The following GRK7 variants were observed in gnomAD, a reference collection of about 807,000 sequenced individuals.
The protein encoded by GRK7 is rhodopsin kinase GRK7.
A neutral mutation model predicts 34.1 loss-of-function variants in GRK7; 24 were observed. The observed-to-expected ratio is 0.70, with a 90% CI of 0.51 to 0.99. The LOEUF is 0.99. Ranked by LOEUF, GRK7 falls within the 50% of genes least tolerant of loss-of-function variation. The probability of loss-of-function intolerance (pLI) is 0.00; values close to 1 mark genes in which losing one functional copy is unlikely to be tolerated. For missense variants in GRK7, 644 were observed against 707.3 expected (o/e 0.91, Z 1.02); for synonymous variants, 256 against 279.4 (o/e 0.92, Z 0.84).
At chr3:141,790,471 A>C (rs571226249) in intron 4 of GRK7, among the ~76,000 whole-genome samples, 1 of 152,156 alleles carries the variant, frequency 6.6e-6, no homozygotes, top group Non-Finnish European at 1.5e-5. Context: ...AGCCCCACCT[A>C]CACAGGGAAT....
the GRK7 span, among the ~76,000 whole-genome samples, chr3:141,751,573 T>C: frequency 1.5e-4 from 23 of 152,248 alleles, no homozygotes; most frequent in African/African-American, 4.8e-4. Context: ...TTCTATTGTA[T>C]GTAACAACAT....
intron 4 of GRK7, among the ~76,000 whole-genome samples, chr3:141,792,814 C>T (rs1443447961): frequency 6.6e-6 from 1 of 152,202 alleles, no homozygotes; most frequent in Non-Finnish European, 1.5e-5. Context: ...AGGATGGAGA[C>T]TGGTCACCAG....
intron 5 of GRK7, among the ~76,000 whole-genome samples, chr3:141,812,434 G>C (rs1415990229): frequency 6.6e-6 from 1 of 152,232 alleles, no homozygotes; most frequent in South Asian, 2.1e-4. Context: ...GGTGGGAGTT[G>C]CTAATGCAAA....
chr3:141,764,770 A>G lies in GRK7; in HGVS notation c.-1183A>G, dbSNP rs994566163. Among the ~76,000 whole-genome samples, 1 of 152,068 alleles carries G rather than the reference A, an allele frequency of 6.6e-6. No individual in the cohort carries two copies. The highest frequency in any genetic ancestry group is 1.5e-5 in the Non-Finnish European group (1 of 68,006). On this transcript the variant is annotated 5_prime_UTR_variant, in exon 1 of 6. Transcript: ENST00000682958. ...GTTTGGCTGTCTCCCTGGCAGGTCAAATTTAACAGGTACAAGACTGAGCTC... is the reference window on the plus strand; with the variant it reads ...GTTTGGCTGTCTCCCTGGCAGGTCAGATTTAACAGGTACAAGACTGAGCTC...
chr3:141,796,386 G>A (rs903845894), intron 4 of GRK7, among the ~76,000 whole-genome samples: 1 of 152,202 alleles, frequency 6.6e-6, no homozygotes, highest in African/African-American at 2.4e-5. Context: ...ATGCCTAGCC[G>A]AGGGTCAGCC....
At position 141,778,326 on chromosome 3, in the gene GRK7, C is replaced by A; in HGVS notation, c.42C>A (p.Thr14=). ...MGALDNLIAN[T]AYLQARKPSD... ...CCCTGGACAACCTGATCGCCAACAC[C>A]GCCTACCTGCAGGCCCGGAAGCCCT... is the stretch of plus-strand genomic sequence containing the variant. The change falls in exon 3 of 6, where the codon ACC becomes ACA. Residue 14 remains threonine (T), a synonymous_variant. Transcript: ENST00000682958. The surrounding 1 kb of genome is among the most constrained non-coding windows in gnomAD (Gnocchi z 4.1). 6.3e-7 allele frequency: 1 copy of A among 1,599,588 alleles called. No homozygotes were observed. Among genetic ancestry groups the A allele is most frequent in the Non-Finnish European group, 8.5e-7 (1 of 1,171,172 alleles).
the GRK7 span, among the ~76,000 whole-genome samples, chr3:141,757,129 C>CTTTTTTTTTTTTTTT: frequency 6.9e-5 from 7 of 101,360 alleles, no homozygotes; most frequent in Non-Finnish European, 1.3e-4. Flanking sequence ...AGATCTTCTT[C>CTTTTTTTTTTTTTTT]TTTTTTTTTT....
chr3:141,757,408 GT>G, the GRK7 span, among the ~76,000 whole-genome samples: 2 of 127,490 alleles, frequency 1.6e-5, no homozygotes, highest in Admixed American at 8.4e-5. Flanking sequence ...GCGGTGTTTG[GT>G]TTTTTGTTCT....
At position 141,805,087 on chromosome 3, in the gene GRK7, CTCACATACACACACAA is replaced by C. The variant is rs1392092415; in HGVS notation, c.1051-2538_1051-2523del. ...ACACACACACACACACGCACATACA[CTCACATACACACACAA>C]TCACATACACACACAATCAGATACA... is the stretch of plus-strand genomic sequence containing the variant. On this transcript the variant is annotated intron_variant, in intron 4 of 5. Coordinates refer to ENST00000682958, the MANE Select transcript of GRK7 (RefSeq NM_139209.3). 3.9e-3 allele frequency among the ~76,000 whole-genome samples: 592 copies of C among 152,004 alleles called. 1 individual carries two copies. Among genetic ancestry groups the C allele is most frequent in the African/African-American group, 0.013 (559 of 41,448 alleles).
intron 5 of GRK7, among the ~76,000 whole-genome samples, chr3:141,815,678 A>C (rs1269490951): frequency 6.7e-6 from 1 of 149,062 alleles, no homozygotes; most frequent in Non-Finnish European, 1.5e-5. Flanking sequence ...TATTAAAAAA[A>C]ACTATGGCTT....
At chr3:141,780,151 C>T (rs1020421749) in intron 3 of GRK7, among the ~76,000 whole-genome samples, 2 of 152,188 alleles carry the variant, frequency 1.3e-5, no homozygotes, top group Non-Finnish European at 2.9e-5. Context: ...CACATCCTTG[C>T]CAACACTTGA....
chr3:141,783,681 G>A (rs1168844634), intron 4 of GRK7, among the ~76,000 whole-genome samples: 1 of 152,220 alleles, frequency 6.6e-6, no homozygotes, highest in Non-Finnish European at 1.5e-5. Context: ...GTCCCTAGAA[G>A]GGGATACAGT....
At chr3:141,773,620 T>G (rs1038792486) in intron 1 of GRK7, among the ~76,000 whole-genome samples, 6 of 152,192 alleles carry the variant, frequency 3.9e-5, no homozygotes, top group Admixed American at 6.5e-5. Context: ...TTCACCGTGT[T>G]AGCCAGGATG....
intron 4 of GRK7, among the ~76,000 whole-genome samples, chr3:141,798,792 C>A (rs547761509): frequency 4.3e-4 from 65 of 152,290 alleles, no homozygotes; most frequent in South Asian, 1.4e-3. Flanking sequence ...GTCTGGCGTG[C>A]GCCTCTAATT....
intron 4 of GRK7, among the ~76,000 whole-genome samples, chr3:141,799,734 T>C (rs951807010): frequency 3.9e-5 from 6 of 152,214 alleles, no homozygotes; most frequent in African/African-American, 1.4e-4. Flanking sequence ...AGGGTTACTA[T>C]GGAGATCAAA....
chr3:141,789,444 G>A (rs1391648323), intron 4 of GRK7, among the ~76,000 whole-genome samples: 3 of 152,084 alleles, frequency 2.0e-5, no homozygotes, highest in African/African-American at 7.2e-5. Flanking sequence ...TTTATGAATA[G>A]TTCCTTCACA....
chr3:141,778,096 G>A lies in GRK7; in HGVS notation c.-113-76G>A. Reference sequence around the variant, plus strand: ...GCATGACCTATCGTGTGCAGTTCCTGGCGGGCTATACATAGCCAGTCAAAG... The same window carrying A: ...GCATGACCTATCGTGTGCAGTTCCTAGCGGGCTATACATAGCCAGTCAAAG... On this transcript the variant is annotated intron_variant, in intron 2 of 5. Coordinates refer to ENST00000682958, the MANE Select transcript of GRK7 (RefSeq NM_139209.3). This position sits in a 1 kb window ranked among gnomAD's most constrained non-coding sequence, Gnocchi z 4.1. 3.0e-6 allele frequency: 2 copies of A among 656,432 alleles called. No homozygotes were observed. The highest frequency in any genetic ancestry group is 5.0e-6 in the Non-Finnish European group (2 of 402,972). 40.7% of individuals were successfully genotyped at this position (656,432 alleles called of 1,614,324 possible).
chr3:141,774,337 C>A (rs1458583504), intron 1 of GRK7, among the ~76,000 whole-genome samples: 1 of 151,752 alleles, frequency 6.6e-6, no homozygotes, highest in Non-Finnish European at 1.5e-5. Flanking sequence ...TAGGAGGATC[C>A]CTTGAGCCCA....
intron 4 of GRK7, among the ~76,000 whole-genome samples, chr3:141,789,706 C>A (rs1344518619): frequency 6.6e-6 from 1 of 150,744 alleles, no homozygotes; most frequent in Non-Finnish European, 1.5e-5. Context: ...ACTGCTGTTA[C>A]CTCAATGGTT....
Sources: allele counts gnomAD v4.1 joint callset (sites outside exome capture counted in the v4.1 genomes callset), GRCh38; gene constraint gnomAD v4.1.1; non-coding constraint Gnocchi (gnomAD v3.1); transcripts MANE v1.5; gene names NCBI Gene and HGNC (gene_info 2026-07-23, HGNC 2026-07-21).